Variants in SVOPL observed in about 807,000 individuals in gnomAD.
SVOPL encodes putative transporter SVOPL.
SVOPL carries 60 observed loss-of-function variants against 61.0 expected under a neutral mutation model. The ratio of observed to expected loss-of-function variants is 0.98; its 90% CI spans 0.80 to 1.22. SVOPL has a LOEUF of 1.22. Ranked by LOEUF, SVOPL falls within the 50% of genes most tolerant of loss-of-function variation. SVOPL has a pLI of 0.00. For synonymous variants in SVOPL, 279 were observed against 250.0 expected (o/e 1.12, Z -1.09); for missense variants, 662 against 643.9 (o/e 1.03, Z -0.30).
intron 14 of SVOPL, among the ~76,000 whole-genome samples, chr7:138,611,283 C>A (rs900715232): frequency 6.6e-6 from 1 of 152,120 alleles, no homozygotes; most frequent in Admixed American, 6.6e-5. Context: ...GACGCTGAGG[C>A]ATGAGAATTG....
chr7:138,630,699 T>C, intron 9 of SVOPL, among the ~76,000 whole-genome samples: 1 of 152,162 alleles, frequency 6.6e-6, no homozygotes, highest in South Asian at 2.1e-4. Context: ...TCCCAGCACT[T>C]TGGGAGGCCG....
intron 7 of SVOPL, among the ~76,000 whole-genome samples, chr7:138,653,029 A>G (rs1316452668): frequency 6.6e-6 from 1 of 152,206 alleles, no homozygotes; most frequent in Non-Finnish European, 1.5e-5. Context: ...AGTGGTCTGG[A>G]TAGATCAAAG....
At chr7:138,676,408 G>A (rs142215969) in intron 3 of SVOPL, among the ~76,000 whole-genome samples, 80 of 152,304 alleles carry the variant, frequency 5.3e-4, no homozygotes, top group Admixed American at 2.0e-3. Flanking sequence ...TCTGCTGCCC[G>A]GAGAGGACCT....
intron 7 of SVOPL, among the ~76,000 whole-genome samples, chr7:138,650,583 G>C (rs1197224503): frequency 2.0e-5 from 3 of 149,276 alleles, no homozygotes; most frequent in African/African-American, 4.9e-5. Flanking sequence ...GCTGAGGTAG[G>C]GGAATCACTT....
intron 4 of SVOPL, among the ~76,000 whole-genome samples, 164 bp downstream of exon 4, chr7:138,671,855 A>T (rs1802425942): frequency 6.6e-6 from 1 of 152,230 alleles, no homozygotes; most frequent in Admixed American, 6.5e-5. Context: ...GCATGCTAGG[A>T]AAAGAAAAAG....
rs576724294 is a variant in SVOPL, at chr7:138,661,702, A to G, written c.345+1372T>C. ...TTTTAACGAACCAATGTAAATTATT[A>G]GTAAATAACTTAGGAAGTGCCCCCA... On this transcript the variant is annotated intron_variant, in intron 5 of 15. Coordinates refer to ENST00000674285, the MANE Select transcript of SVOPL (RefSeq NM_001139456.2). The G allele has an allele frequency of 5.7e-6, 5 of 872,248 alleles. No homozygotes were observed. The East Asian group carries it at 3.6e-4, about 64-fold the overall frequency. 54.0% of individuals were successfully genotyped at this position (872,248 alleles called of 1,614,324 possible). A position where few individuals can be genotyped will look rare whatever the true frequency, so the allele number is the denominator to read the frequency against.
intron 9 of SVOPL, among the ~76,000 whole-genome samples, chr7:138,640,209 A>T (rs1348040081): frequency 1.3e-5 from 1 of 77,636 alleles, no homozygotes; most frequent in East Asian, 5.1e-4. Flanking sequence ...AAAGACAATG[A>T]TTTTTTTTTA....
intron 14 of SVOPL, among the ~76,000 whole-genome samples, chr7:138,619,260 TAGTCAGGC>T (rs1799440861): frequency 1.3e-5 from 2 of 151,630 alleles, no homozygotes; most frequent in Admixed American, 6.6e-5. Flanking sequence ...AATAAATAAA[TAGTCAGGC>T]ATGGTGGTGC....
Position 138,594,518 on chromosome 7 carries a change from T to C in SVOPL, c.*92A>G. The C allele has an allele frequency of 8.1e-7, 1 of 1,239,580 alleles. No homozygotes were observed. Among genetic ancestry groups the C allele is most frequent in the Non-Finnish European group, 1.1e-6 (1 of 875,422 alleles). The allele number at this position is 1,239,580 out of a possible 1,614,324, so 76.8% of individuals were successfully genotyped here. Reference sequence around the variant, plus strand: ...TCACTTTACTAATTACCGAGTAGCATACAGAAGTAAAACCAAGTTTTAAAA... The same window carrying C: ...TCACTTTACTAATTACCGAGTAGCACACAGAAGTAAAACCAAGTTTTAAAA... On this transcript the variant is annotated 3_prime_UTR_variant, in exon 16 of 16. Coordinates refer to ENST00000674285, the MANE Select transcript of SVOPL (RefSeq NM_001139456.2).
At chr7:138,653,663 A>G (rs982851477) in intron 7 of SVOPL, among the ~76,000 whole-genome samples, 1 of 152,052 alleles carries the variant, frequency 6.6e-6, no homozygotes, top group African/African-American at 2.4e-5. Context: ...AGGGCCGGGC[A>G]TGGCGGCTCA....
At chr7:138,684,042 G>A (rs182311771) in intron 1 of SVOPL, among the ~76,000 whole-genome samples, 6 of 151,674 alleles carry the variant, frequency 4.0e-5, no homozygotes, top group Non-Finnish European at 2.9e-5. Context: ...GACAGAATGG[G>A]ACTCTATCTC....
chr7:138,621,762 C>T (rs1799571578), intron 13 of SVOPL, among the ~76,000 whole-genome samples: 1 of 151,936 alleles, frequency 6.6e-6, no homozygotes, highest in African/African-American at 2.4e-5. Flanking sequence ...TTTGCTGTTG[C>T]AGAATCTTAA....
At chr7:138,663,974 T>C (rs763225369) in intron 4 of SVOPL, among the ~76,000 whole-genome samples, 3 of 152,148 alleles carry the variant, frequency 2.0e-5, no homozygotes, top group Non-Finnish European at 4.4e-5. Flanking sequence ...CACTGAACCA[T>C]GAAAAATTCA....
intron 3 of SVOPL, 43 bp from the exon 4 acceptor site, chr7:138,672,160 G>A: frequency 2.6e-6 from 4 of 1,523,078 alleles, no homozygotes; most frequent in Non-Finnish European, 3.6e-6. Flanking sequence ...GTGCCAGCTT[G>A]TCATCACTTC....
intron 9 of SVOPL, among the ~76,000 whole-genome samples, chr7:138,636,235 A>T (rs1415560935): frequency 6.6e-6 from 1 of 152,060 alleles, no homozygotes; most frequent in Non-Finnish European, 1.5e-5. Flanking sequence ...GCTGAAAAAT[A>T]ATAATTTTTA....
intron 14 of SVOPL, among the ~76,000 whole-genome samples, chr7:138,599,411 C>T (rs887824920): frequency 4.6e-5 from 7 of 152,036 alleles, no homozygotes; most frequent in African/African-American, 1.7e-4. Flanking sequence ...CAAAATAGAT[C>T]CAAGTATCTA....
intron 7 of SVOPL, among the ~76,000 whole-genome samples, chr7:138,653,919 C>CAA: frequency 1.5e-5 from 2 of 130,392 alleles, no homozygotes; most frequent in South Asian, 5.2e-4. Flanking sequence ...GACGACAGAG[C>CAA]AAGACTCTGT....
chr7:138,594,652 T>C (rs768815660), intron 15 of SVOPL, 31 bp from the exon 16 acceptor site: 23 of 1,545,414 alleles, frequency 1.5e-5, no homozygotes, highest in Non-Finnish European at 1.8e-5. Flanking sequence ...AGATCAGTAA[T>C]AGACTTTTTA....
rs573664958 is a variant in SVOPL, at chr7:138,628,241, T to C, written c.986A>G (p.Glu329Gly). 1.2e-5 allele frequency: 20 copies of C among 1,614,118 alleles called. No homozygotes were observed. The African/African-American group carries it at 2.5e-4, about 20-fold the overall frequency. Residue 329 changes from glutamate (E) to glycine (G), a missense_variant, in exon 11 of 16, where the codon GAG becomes GGG. Glu to Gly is a moderately conservative substitution (Grantham distance 98). Transcript: ENST00000674285. ...GTGGCAGTAGCAGGGGCTCTGGCTC[T>C]CCCCTGAGTCCCCCCCAGTCACCAC... ...AVVVTGGDSG[E>G]SQSPCYCHMF...
Sources: gnomAD v4.1 joint callset for allele counts (sites outside exome capture counted in the v4.1 genomes callset) on GRCh38, gnomAD v4.1.1 for gene constraint, MANE v1.5 for transcripts, NCBI Gene and HGNC (gene_info 2026-07-23, HGNC 2026-07-21) for gene names.